The following WDFY4 variants were observed in gnomAD, a reference collection of about 807,000 sequenced individuals.
WDFY4 encodes WDFY family member 4.
In WDFY4, 169 loss-of-function variants were observed where a neutral mutation model predicts 351.9. The ratio of observed to expected loss-of-function variants is 0.48; its 90% CI spans 0.42 to 0.55. WDFY4 has a LOEUF of 0.55. Among genes scored for constraint, WDFY4 ranks in the 20% least tolerant of loss-of-function variants. The pLI, the probability that WDFY4 is intolerant of heterozygous loss-of-function variation, is 0.00. For missense variants in WDFY4, 3,803 were observed against 3,935.6 expected (o/e 0.97, Z 0.90); for synonymous variants, 1,622 against 1,574.6 (o/e 1.03, Z -0.71).
chr10:48,758,967 A>G (rs556901724), intron 12 of WDFY4, among the ~76,000 whole-genome samples: 1 of 152,058 alleles, frequency 6.6e-6, no homozygotes. Context: ...TTCAGGTTGT[A>G]TTCTGGACAT....
intron 23 of WDFY4, among the ~76,000 whole-genome samples, chr10:48,795,485 GTGTC>G: frequency 8.5e-6 from 1 of 118,226 alleles, no homozygotes; most frequent in Admixed American, 1.0e-4. Flanking sequence ...ATATATGTGT[GTGTC>G]TGTATATATA....
At chr10:48,897,400 G>A (rs866032582) in intron 44 of WDFY4, 54 bp from the exon 45 acceptor site, 27 of 1,533,662 alleles carry the variant, frequency 1.8e-5, no homozygotes, top group South Asian at 1.2e-4. Context: ...AAGCCTGCAC[G>A]TGTCCTCACT....
At chr10:48,880,130 A>G (rs1306770388) in intron 43 of WDFY4, among the ~76,000 whole-genome samples, 1 of 152,148 alleles carries the variant, frequency 6.6e-6, no homozygotes, top group East Asian at 1.9e-4. Flanking sequence ...GCCTCCTAGG[A>G]GAGCCTTTGT....
intron 19 of WDFY4, among the ~76,000 whole-genome samples, chr10:48,784,620 A>C (rs111645212): frequency 0.17 from 22,846 of 131,944 alleles, 2,620 homozygotes; most frequent in African/African-American, 0.34. Flanking sequence ...CGGCTCACTG[A>C]AACCTCTGCC....
chr10:48,719,410 G>A (rs2064006757), intron 2 of WDFY4, among the ~76,000 whole-genome samples: 2 of 152,334 alleles, frequency 1.3e-5, no homozygotes, highest in East Asian at 3.9e-4. Flanking sequence ...GTTGCCGAGG[G>A]TGTAGAGAAA....
intron 53 of WDFY4, among the ~76,000 whole-genome samples, chr10:48,963,598 A>T (rs1841955009): frequency 1.3e-5 from 2 of 152,216 alleles, no homozygotes; most frequent in Admixed American, 1.3e-4. Context: ...GTTTTATGAC[A>T]TGGTTGAGCT....
intron 43 of WDFY4, chr10:48,878,542 C>T (rs1178056381): frequency 2.0e-5 from 3 of 152,368 alleles, no homozygotes; most frequent in African/African-American, 4.8e-5. Context: ...ACCTGCATAA[C>T]CAAAGCTTCC....
intron 38 of WDFY4, among the ~76,000 whole-genome samples, chr10:48,831,144 C>A (rs1252108951): frequency 6.6e-6 from 1 of 152,144 alleles, no homozygotes; most frequent in Non-Finnish European, 1.5e-5. Flanking sequence ...AGGAAGAGGC[C>A]CATGTGGAGG....
At chr10:48,856,803 C>T (rs1334060462) in intron 39 of WDFY4, among the ~76,000 whole-genome samples, 2 of 152,128 alleles carry the variant, frequency 1.3e-5, no homozygotes, top group Admixed American at 1.3e-4. Flanking sequence ...ATGGAGTTCT[C>T]CCAATTGTTG....
rs977368279 is a variant in WDFY4, at chr10:48,723,397, T to G, written c.457-36T>G. ...TCTGGGCTGACCTGCTTCTGCTGCC[T>G]TGCTGCCTGGGGTCACGTGTGCTCT... On this transcript the variant is annotated intron_variant, in intron 4 of 61. Transcript: ENST00000325239. 6 of 1,545,056 alleles carry G rather than the reference T, an allele frequency of 3.9e-6. No individual in the cohort carries two copies. In the Admixed American group the frequency reaches 9.9e-5, roughly 25 times the overall value.
In WDFY4 at chr10:48,982,893, G is replaced by A; in HGVS notation, c.*318G>A. 2.6e-6 allele frequency: 1 copy of A among 389,616 alleles called. No individual in the cohort carries two copies. 24.1% of individuals were successfully genotyped at this position (389,616 alleles called of 1,614,324 possible). On this transcript the variant is annotated 3_prime_UTR_variant, in exon 62 of 62. Transcript: ENST00000325239. ...CTATTGCACTGAAAAAAAAAAAGAT[G>A]GGTCGCTTACTGGAAATTATTGTAT...
At chr10:48,827,877 T>C (rs1218331769) in intron 36 of WDFY4, among the ~76,000 whole-genome samples, 1 of 138,794 alleles carries the variant, frequency 7.2e-6, no homozygotes, top group Non-Finnish European at 1.5e-5. Context: ...CAGTATGTGG[T>C]TTAATTTGGG....
At chr10:48,823,531 G>A in intron 35 of WDFY4, 8 of 1,110,344 alleles carry the variant, frequency 7.2e-6, no homozygotes, top group Middle Eastern at 4.2e-4. Context: ...TCACTTGTCT[G>A]ATGAGCAGGT....
chr10:48,965,570 C>A (rs956814200), intron 54 of WDFY4, among the ~76,000 whole-genome samples: 2 of 152,180 alleles, frequency 1.3e-5, no homozygotes, highest in African/African-American at 4.8e-5. Context: ...ACCACCCATG[C>A]CCACCCCAGC....
chr10:48,820,493 G>A, intron 33 of WDFY4, 56 bp downstream of exon 33: 1 of 1,522,880 alleles, frequency 6.6e-7, no homozygotes, highest in South Asian at 1.2e-5. Flanking sequence ...CGGCATACCG[G>A]CACTGCAAGG....
chr10:48,831,361 T>A (rs1449095240), intron 38 of WDFY4, among the ~76,000 whole-genome samples: 2 of 152,232 alleles, frequency 1.3e-5, no homozygotes, highest in Non-Finnish European at 2.9e-5. Context: ...ATCATATTAG[T>A]ATTTGGTACT....
intron 2 of WDFY4, among the ~76,000 whole-genome samples, chr10:48,712,182 T>C (rs1444057650): frequency 2.0e-5 from 3 of 152,256 alleles, no homozygotes; most frequent in East Asian, 1.9e-4. Context: ...TTATTAGTTG[T>C]GTGCTGTTGA....
chr10:48,941,990 G>A, intron 48 of WDFY4, 142 bp downstream of exon 48: 3 of 881,838 alleles, frequency 3.4e-6, no homozygotes, highest in Non-Finnish European at 5.0e-6. Context: ...TTGAGATGGA[G>A]TTTCACTCTT....
At chr10:48,787,878 CTTTCTTCTTCTTCTCCTTCTT>C (rs2066482362) in intron 20 of WDFY4, among the ~76,000 whole-genome samples, 1 of 90,784 alleles carries the variant, frequency 1.1e-5, no homozygotes, top group African/African-American at 6.6e-5. Context: ...TTTCTTCTTT[CTTTCTTCTTCTTCTCCTTCTT>C]CTTCTTCTTC....
Sources: gnomAD v4.1 joint callset for allele counts (sites outside exome capture counted in the v4.1 genomes callset) on GRCh38, gnomAD v4.1.1 for gene constraint, MANE v1.5 for transcripts, NCBI Gene and HGNC (gene_info 2026-07-23, HGNC 2026-07-21) for gene names.